The following FAF2 variants were observed in gnomAD, a reference collection of about 807,000 sequenced individuals.
The protein encoded by FAF2 is Fas associated factor family member 2.
A neutral mutation model predicts 62.3 loss-of-function variants in FAF2; 9 were observed. That is an observed-to-expected ratio of 0.14 (90% CI 0.09 to 0.25). FAF2 has a LOEUF of 0.25. Among genes scored for constraint, FAF2 ranks in the 10% least tolerant of loss-of-function variants. FAF2 has a pLI of 1.00. For synonymous variants in FAF2, 202 were observed against 198.0 expected, an observed-to-expected ratio of 1.02 and a Z score of -0.17; for missense variants, 368 against 556.2, an observed-to-expected ratio of 0.66 and a Z score of 3.40.
intron 1 of FAF2, among the ~76,000 whole-genome samples, chr5:176,475,325 G>A (rs1758669458): frequency 6.6e-6 from 1 of 151,998 alleles, no homozygotes; most frequent in African/African-American, 2.4e-5. Flanking sequence ...TAGAGATGGA[G>A]TTTCTCTATA....
At chr5:176,491,897 CAA>C (rs891952225) in intron 4 of FAF2, among the ~76,000 whole-genome samples, 1 of 152,144 alleles carries the variant, frequency 6.6e-6, no homozygotes, top group African/African-American at 2.4e-5. Context: ...TCTTCCCTTC[CAA>C]ACCCTTCTAG....
rs777987739 is a variant in FAF2 at position 176,492,247 on chromosome 5, T to C, written c.398T>C (p.Val133Ala). Residue 133 changes from valine (V) to alanine (A), a missense_variant, in exon 5 of 11, where the codon GTT (valine) becomes GCT (alanine). Val to Ala is a moderately conservative substitution (Grantham distance 64). Coordinates refer to ENST00000261942, the MANE Select transcript of FAF2 (RefSeq NM_014613.3). Reference protein sequence around the residue: ...PDPRSRVTDPVGDIVSFMHSF... With the variant: ...PDPRSRVTDPAGDIVSFMHSF... ...CCTCGCAGCCGGGTCACTGACCCCG[T>C]TGGGGACATTGTTTCATTTATGCAC... 2 of 1,614,162 alleles carry C rather than the reference T, an allele frequency of 1.2e-6. No individual in the cohort carries two copies. Among genetic ancestry groups the C allele is most frequent in the Non-Finnish European group, 8.5e-7 (1 of 1,179,996 alleles).
intron 8 of FAF2, chr5:176,496,894 A>T: frequency 3.3e-6 from 1 of 301,750 alleles, no homozygotes; most frequent in East Asian, 5.4e-5. Flanking sequence ...GCAGTGGCTA[A>T]CACCTGAAAT....
In FAF2 at chr5:176,477,863, C is replaced by T. The variant is rs117882136; in HGVS notation, c.64-1325C>T. 1.1e-4 allele frequency among the ~76,000 whole-genome samples: 17 copies of T among 152,304 alleles called. No individual in the cohort carries two copies. The East Asian group carries it at 2.7e-3, about 24-fold the overall frequency. On this transcript the variant is annotated intron_variant, in intron 1 of 10. Coordinates refer to ENST00000261942, the MANE Select transcript of FAF2 (RefSeq NM_014613.3). ...CAAGAACTTCAGTTTTCAGACTCAT[C>T]AGTCCATACTACTACATTCTTGTCA...
intron 1 of FAF2, among the ~76,000 whole-genome samples, chr5:176,470,438 G>A (rs1561818936): frequency 2.0e-5 from 3 of 152,260 alleles, no homozygotes; most frequent in South Asian, 4.1e-4. Flanking sequence ...TTAGCGGGGC[G>A]TGGTGGCGCA....
intron 1 of FAF2, among the ~76,000 whole-genome samples, chr5:176,456,921 C>G (rs1413540144): frequency 6.6e-6 from 1 of 152,002 alleles, no homozygotes; most frequent in Admixed American, 6.6e-5. Context: ...GACATACTTA[C>G]TCAGTAGTGT....
rs1339322355 is a variant in FAF2 at position 176,509,675 on chromosome 5, AAG to A, written c.*2729_*2730del. On this transcript the variant is annotated 3_prime_UTR_variant, in exon 11 of 11. Transcript: ENST00000261942. ...CTTGCCTCCACCATGATATTTGAATAAGAGATGGCCAGAGGATAACACTTGTC... is the reference window on the plus strand; with the variant it reads ...CTTGCCTCCACCATGATATTTGAATAAGATGGCCAGAGGATAACACTTGTC... The A allele has an allele frequency of 1.3e-5, 2 of 152,652 alleles. No homozygotes were observed. The highest frequency in any genetic ancestry group is 6.5e-5 in the Admixed American group (1 of 15,274). 9.5% of individuals were successfully genotyped at this position (152,652 alleles called of 1,614,324 possible). A position where few individuals can be genotyped will look rare whatever the true frequency, so the allele number is the denominator to read the frequency against.
At chr5:176,472,737 AAAAG>A (rs1328911425) in intron 1 of FAF2, among the ~76,000 whole-genome samples, 20 of 148,488 alleles carry the variant, frequency 1.3e-4, no homozygotes, top group African/African-American at 2.5e-4. Context: ...AAAAAAAAAG[AAAAG>A]AAAGAAAGAA....
chr5:176,507,208 G>C lies in FAF2; in HGVS notation c.*258G>C, dbSNP rs1050893277. 2 of 389,470 alleles carry C rather than the reference G, an allele frequency of 5.1e-6. No individual in the cohort carries two copies. Among genetic ancestry groups the C allele is most frequent in the Admixed American group, 6.1e-5 (2 of 33,036 alleles). 24.1% of individuals were successfully genotyped at this position (389,470 alleles called of 1,614,324 possible). On this transcript the variant is annotated 3_prime_UTR_variant, in exon 11 of 11. Coordinates refer to ENST00000261942, the MANE Select transcript of FAF2 (RefSeq NM_014613.3). ...GCTTGGCAAGCCCACCCTTCCTGTG[G>C]CCTCTGTGCACGCACCTTCCAGTGA...
intron 3 of FAF2, among the ~76,000 whole-genome samples, chr5:176,486,946 G>A (rs1758883799): frequency 6.6e-6 from 1 of 152,166 alleles, no homozygotes; most frequent in Non-Finnish European, 1.5e-5. Flanking sequence ...CATGAATAAA[G>A]AGCCAGTCTT....
At chr5:176,453,162 A>G (rs1421222036) in intron 1 of FAF2, 1 of 152,210 alleles carries the variant, frequency 6.6e-6, no homozygotes, top group Non-Finnish European at 1.5e-5. Flanking sequence ...ACTATTGCAG[A>G]CAATTGTTTT....
intron 1 of FAF2, among the ~76,000 whole-genome samples, chr5:176,466,030 T>C (rs76738989): frequency 0.013 from 1,961 of 152,318 alleles, 32 homozygotes; most frequent in African/African-American, 0.045. Flanking sequence ...TTCTCAGTGA[T>C]GAAAATAAGG....
intron 10 of FAF2, among the ~76,000 whole-genome samples, chr5:176,504,039 G>A (rs1248835936): frequency 1.3e-5 from 2 of 151,608 alleles, no homozygotes; most frequent in African/African-American, 4.9e-5. Flanking sequence ...CCTGGGAGGC[G>A]GAGGTTACAG....
intron 2 of FAF2, among the ~76,000 whole-genome samples, chr5:176,482,425 C>G (rs1281059782): frequency 1.3e-5 from 2 of 152,136 alleles, no homozygotes; most frequent in Non-Finnish European, 2.9e-5. Flanking sequence ...GTTGGCCAGG[C>G]TGGTGTTGAA....
At position 176,509,987 on chromosome 5, in the gene FAF2, G is replaced by A. The variant is rs937693468; in HGVS notation, c.*3037G>A. ...CTGAATAGTCATGTGATAATTTACT[G>A]AAGAAATCTAGTGTACTTTAAATTT... On this transcript the variant is annotated 3_prime_UTR_variant, in exon 11 of 11. Coordinates refer to ENST00000261942, the MANE Select transcript of FAF2 (RefSeq NM_014613.3). 5 of 152,656 alleles carry A rather than the reference G, an allele frequency of 3.3e-5. No individual in the cohort carries two copies. The highest frequency in any genetic ancestry group is 1.2e-4 in the African/African-American group (5 of 41,462). The allele number at this position is 152,656 out of a possible 1,614,324, so 9.5% of individuals were successfully genotyped here. A position where few individuals can be genotyped will look rare whatever the true frequency, so the allele number is the denominator to read the frequency against.
At chr5:176,449,811 T>G (rs890936445) in intron 1 of FAF2, among the ~76,000 whole-genome samples, 6 of 152,224 alleles carry the variant, frequency 3.9e-5, no homozygotes, top group African/African-American at 1.4e-4. Context: ...AGAATCCCAC[T>G]TACTATTTCA....
At chr5:176,458,384 A>G (rs1433688159) in intron 1 of FAF2, among the ~76,000 whole-genome samples, 2 of 144,500 alleles carry the variant, frequency 1.4e-5, no homozygotes, top group Non-Finnish European at 3.0e-5. Flanking sequence ...GTCTGGCCTC[A>G]GAATAATATT....
At chr5:176,502,182 G>T (rs1755603506) in intron 10 of FAF2, among the ~76,000 whole-genome samples, 2 of 152,300 alleles carry the variant, frequency 1.3e-5, no homozygotes, top group South Asian at 4.1e-4. Context: ...TTAACTATGG[G>T]TTTGTGTATG....
chr5:176,484,894 GAA>G (rs59407571), intron 2 of FAF2, among the ~76,000 whole-genome samples: 17 of 98,238 alleles, frequency 1.7e-4, no homozygotes, highest in African/African-American at 2.0e-4. Context: ...TCCATCTCAA[GAA>G]AAAAAAAAAA....
Sources: allele counts gnomAD v4.1 joint callset (sites outside exome capture counted in the v4.1 genomes callset), GRCh38; gene constraint gnomAD v4.1.1; transcripts MANE v1.5; gene names NCBI Gene and HGNC (gene_info 2026-07-23, HGNC 2026-07-21).